Variants in NUGGC observed in about 807,000 individuals in gnomAD.
The protein encoded by NUGGC is nuclear GTPase SLIP-GC.
A neutral mutation model predicts 92.6 loss-of-function variants in NUGGC; 58 were observed. That is an observed-to-expected ratio of 0.63 (90% CI 0.51 to 0.78). NUGGC has a LOEUF of 0.78. Among genes scored for constraint, NUGGC ranks in the 30% least tolerant of loss-of-function variants. The probability of loss-of-function intolerance (pLI) is 0.00; values close to 1 mark genes in which losing one functional copy is unlikely to be tolerated. For synonymous variants in NUGGC, 376 were observed against 366.4 expected (o/e 1.03, Z -0.30); for missense variants, 925 against 964.6 (o/e 0.96, Z 0.54).
At chr8:28,046,336 C>A (rs557840575) in intron 11 of NUGGC, among the ~76,000 whole-genome samples, 1 of 152,186 alleles carries the variant, frequency 6.6e-6, no homozygotes, top group Non-Finnish European at 1.5e-5. Context: ...CATACCTACA[C>A]GTCTAGTCAA....
intron 16 of NUGGC, among the ~76,000 whole-genome samples, chr8:28,029,605 CTGGGCACCGTG>C (rs1225923155): frequency 6.6e-6 from 1 of 152,096 alleles, no homozygotes; most frequent in Non-Finnish European, 1.5e-5. Context: ...CAAAAATTAG[CTGGGCACCGTG>C]TGCACGCCTG....
Position 28,067,565 on chromosome 8 carries a change from C to T in NUGGC, c.660G>A (p.Lys220=). 1.2e-6 allele frequency: 2 copies of T among 1,613,202 alleles called. No individual in the cohort carries two copies. The highest frequency in any genetic ancestry group is 1.7e-6 in the Non-Finnish European group (2 of 1,179,558). The change falls in exon 6 of 19, where the codon AAG becomes AAA. Residue 220 remains lysine, a synonymous_variant. Transcript: ENST00000413272. The part of the protein sequence containing the change: ...SKNYEELLRA[K]PKRKIPTSRV... ...TGGAGGTGGGGATCTTCCTTTTGGG[C>T]TTCGCCCTCAGTAACTCCTCATAGT...
intron 18 of NUGGC, among the ~76,000 whole-genome samples, chr8:28,024,195 CTTTTTTTTTT>C (rs763885790): frequency 2.4e-5 from 3 of 124,032 alleles, no homozygotes; most frequent in Non-Finnish European, 5.1e-5. Context: ...TAAATTCTTT[CTTTTTTTTTT>C]TTTTTTTTTT....
chr8:28,030,305 C>G lies in NUGGC; in HGVS notation c.2017+5G>C. On this transcript the variant is annotated splice_donor_5th_base_variant and intron_variant, in intron 16 of 18. Coordinates refer to ENST00000413272, the MANE Select transcript of NUGGC (RefSeq NM_001010906.2). ...GGCAGAAATGCTGTCCTCCGCAGCC[C>G]CCACCTTCGTAACAGAGCTTCAGGT... is the stretch of plus-strand genomic sequence containing the variant. The G allele has an allele frequency of 2.7e-6, 4 of 1,497,662 alleles. No individual in the cohort carries two copies. Among genetic ancestry groups the G allele is most frequent in the Non-Finnish European group, 3.7e-6 (4 of 1,092,490 alleles). 92.8% of individuals were successfully genotyped at this position (1,497,662 alleles called of 1,614,324 possible).
At position 28,068,432 on chromosome 8, in the gene NUGGC, C is replaced by A; in HGVS notation, c.264G>T (p.Arg88Ser). ...TCGGCTTTTCAATCAAGGCAAGAAG[C>A]CTATTTCTGGATGAATTTTAAAATG... ...IPNGVKYLIN[R>S]LLALIEKPTV... Residue 88 changes from arginine to serine, a missense_variant, in exon 5 of 19, where the codon AGG (arginine) becomes AGT (serine). Transcript: ENST00000413272. 1 of 1,558,366 alleles carries A rather than the reference C, an allele frequency of 6.4e-7. No individual in the cohort carries two copies. Among genetic ancestry groups the A allele is most frequent in the East Asian group, 2.4e-5 (1 of 42,346 alleles).
At chr8:28,028,347 C>A (rs1460689664) in intron 17 of NUGGC, among the ~76,000 whole-genome samples, 1 of 152,160 alleles carries the variant, frequency 6.6e-6, no homozygotes, top group Non-Finnish European at 1.5e-5. Context: ...TGCCTCTTAG[C>A]CTACTCCAAG....
intron 7 of NUGGC, among the ~76,000 whole-genome samples, chr8:28,061,001 T>C (rs1358340057): frequency 6.6e-6 from 1 of 152,190 alleles, no homozygotes; most frequent in Non-Finnish European, 1.5e-5. Context: ...TCAAGCCCAG[T>C]GCTTGGCACA....
At chr8:28,042,064 G>GAAACCTTATA (rs1809713711) in intron 12 of NUGGC, among the ~76,000 whole-genome samples, 1 of 152,224 alleles carries the variant, frequency 6.6e-6, no homozygotes, top group East Asian at 1.9e-4. Flanking sequence ...TTTATAAGGA[G>GAAACCTTATA]AAACCTTATA....
chr8:28,046,675 A>T lies in NUGGC; in HGVS notation c.1312+832T>A, dbSNP rs529161216. On this transcript the variant is annotated intron_variant, in intron 11 of 18. Coordinates refer to ENST00000413272, the MANE Select transcript of NUGGC (RefSeq NM_001010906.2). ...GTGGGAGGGGACTAAGGAAATGATA[A>T]CCCAATTTTTTTTTTTTTTTTTGAG... Among the ~76,000 whole-genome samples, 40 of 133,494 alleles carry T rather than the reference A, an allele frequency of 3.0e-4. No homozygotes were observed. The South Asian group carries it at 0.01, about 34-fold the overall frequency. The allele number at this position is 133,494 out of a possible 152,430, so 87.6% of individuals were successfully genotyped here.
At chr8:28,033,137 GCAA>G (rs113332557) in intron 14 of NUGGC, among the ~76,000 whole-genome samples, 80 of 152,246 alleles carry the variant, frequency 5.3e-4, no homozygotes, top group African/African-American at 1.9e-3. Context: ...TCCAGCCTAG[GCAA>G]CAGAGCAAGA....
chr8:28,039,571 A>C, intron 13 of NUGGC, among the ~76,000 whole-genome samples: 1 of 152,174 alleles, frequency 6.6e-6, no homozygotes, highest in Admixed American at 6.5e-5. Flanking sequence ...CAAAGCACAC[A>C]GATAACAACA....
intron 6 of NUGGC, among the ~76,000 whole-genome samples, chr8:28,065,152 CTTTTTTTTT>C (rs5890398): frequency 1.1e-4 from 9 of 79,884 alleles, no homozygotes; most frequent in Non-Finnish European, 2.1e-4. Context: ...GAAATTGGAT[CTTTTTTTTT>C]TTTTTTTTTT....
rs534681591 is a variant in NUGGC at position 28,068,717 on chromosome 8, G to A, written c.258-279C>T. On this transcript the variant is annotated intron_variant, in intron 4 of 18. Coordinates refer to ENST00000413272, the MANE Select transcript of NUGGC (RefSeq NM_001010906.2). ...GAGGTGTCTTTATTTGTATTCACTG[G>A]AAATTGCATATTCTTTTTTTTGTTT... Among the ~76,000 whole-genome samples the A allele has an allele frequency of 3.3e-5, 5 of 152,166 alleles. No homozygotes were observed. The East Asian group carries it at 5.8e-4, about 18-fold the overall frequency.
intron 1 of NUGGC, among the ~76,000 whole-genome samples, chr8:28,078,806 C>T (rs1475207932): frequency 6.6e-6 from 1 of 152,058 alleles, no homozygotes; most frequent in African/African-American, 2.4e-5. Context: ...TTCAAATCAT[C>T]CTGCAGTCTA....
At chr8:28,035,062 T>A (rs1248307220) in intron 13 of NUGGC, among the ~76,000 whole-genome samples, 1 of 152,166 alleles carries the variant, frequency 6.6e-6, no homozygotes, top group East Asian at 1.9e-4. Flanking sequence ...AAAGGGCTGA[T>A]GAGATGGGAC....
In NUGGC at chr8:28,068,363, A is replaced by G; in HGVS notation, c.333T>C (p.Ala111=). The change falls in exon 5 of 19, where the codon GCT becomes GCC. Residue 111 remains alanine, a synonymous_variant. Transcript: ENST00000413272. ...IYIALFGSTG[A]GKSSLINAII... is the part of the protein sequence containing the mutation. ...TGGCATTGATCAGGGAGCTCTTCCC[A>G]GCCCCAGTGCTTCCAAATAATGCAA... 6.3e-7 allele frequency: 1 copy of G among 1,579,750 alleles called. No homozygotes were observed. Among genetic ancestry groups the G allele is most frequent in the Non-Finnish European group, 8.6e-7 (1 of 1,162,054 alleles).
At chr8:28,067,934 A>G (rs1441306919) in intron 5 of NUGGC, among the ~76,000 whole-genome samples, 190 bp from the exon 6 acceptor site, 1 of 151,882 alleles carries the variant, frequency 6.6e-6, no homozygotes, top group East Asian at 1.9e-4. Context: ...ACCAGGCTAG[A>G]CCCCCTCCCC....
intron 13 of NUGGC, among the ~76,000 whole-genome samples, chr8:28,038,909 C>T (rs1210970610): frequency 1.3e-5 from 2 of 152,282 alleles, no homozygotes; most frequent in East Asian, 3.9e-4. Flanking sequence ...GTTTGCCTCA[C>T]AGAATGGCTG....
At position 28,068,261 on chromosome 8, in the gene NUGGC, G is replaced by C. The variant is rs964566221; in HGVS notation, c.435C>G (p.Gly145=). ...CTSCIVQVSS[G]CCVQYEAKIH... is the part of the protein sequence containing the mutation. ...TTTTGGCCTCATACTGCACACAGCA[G>C]CCAGAGCTCACTTGTACAATGCAGG... The change falls in exon 5 of 19, where the codon GGC becomes GGG. Residue 145 remains glycine, a synonymous_variant. Coordinates refer to ENST00000413272, the MANE Select transcript of NUGGC (RefSeq NM_001010906.2). The C allele has an allele frequency of 7.7e-6, 12 of 1,550,500 alleles. No homozygotes were observed. The highest frequency in any genetic ancestry group is 1.0e-5 in the Non-Finnish European group (12 of 1,147,086).
Sources: gnomAD v4.1 joint callset for allele counts (sites outside exome capture counted in the v4.1 genomes callset) on GRCh38, gnomAD v4.1.1 for gene constraint, MANE v1.5 for transcripts, NCBI Gene and HGNC (gene_info 2026-07-23, HGNC 2026-07-21) for gene names.